The following HPS1 variants were observed in gnomAD, a reference collection of about 807,000 sequenced individuals.
HPS1 encodes the protein BLOC-3 complex member HPS1.
A neutral mutation model predicts 90.6 loss-of-function variants in HPS1; 59 were observed. The observed-to-expected ratio is 0.65, with a 90% CI of 0.53 to 0.81. The LOEUF is 0.81. Among genes scored for constraint, HPS1 ranks in the 30% least tolerant of loss-of-function variants. The probability of loss-of-function intolerance (pLI) is 0.00; values close to 1 mark genes in which losing one functional copy is unlikely to be tolerated. For missense variants in HPS1, 849 were observed against 896.7 expected (o/e 0.95, Z 0.68); for synonymous variants, 388 against 384.4 (o/e 1.01, Z -0.11).
intron 3 of HPS1, among the ~76,000 whole-genome samples, chr10:98,438,214 CTACTATAAAGA>C (rs746348739): frequency 2.0e-5 from 3 of 152,052 alleles, no homozygotes; most frequent in Non-Finnish European, 4.4e-5. Flanking sequence ...GAGTGAGGTG[CTACTATAAAGA>C]TACCCAAAAA....
At chr10:98,420,929 A>T (rs910765038) in intron 17 of HPS1, among the ~76,000 whole-genome samples, 1 of 152,256 alleles carries the variant, frequency 6.6e-6, no homozygotes, top group South Asian at 2.1e-4. Flanking sequence ...CCAGGGGGGA[A>T]GTCCAAATCA....
At chr10:98,443,681 G>A (rs1383387259) in intron 2 of HPS1, among the ~76,000 whole-genome samples, 1 of 150,788 alleles carries the variant, frequency 6.6e-6, no homozygotes, top group Non-Finnish European at 1.5e-5. Flanking sequence ...GTGTGGATCG[G>A]AGGGCACTGG....
At chr10:98,423,237 TAAG>T (rs1291847082) in intron 16 of HPS1, among the ~76,000 whole-genome samples, 1 of 151,368 alleles carries the variant, frequency 6.6e-6, no homozygotes, top group African/African-American at 2.4e-5. Context: ...TGTCATGATC[TAAG>T]AAGGACAACG....
chr10:98,428,074 G>A (rs1286302755), intron 10 of HPS1, among the ~76,000 whole-genome samples: 2 of 152,146 alleles, frequency 1.3e-5, no homozygotes, highest in African/African-American at 2.4e-5. Context: ...GAGGAACTTC[G>A]GAGATTACCC....
intron 10 of HPS1, 155 bp downstream of exon 10, chr10:98,429,418 G>T: frequency 6.5e-7 from 1 of 1,541,784 alleles, no homozygotes; most frequent in Non-Finnish European, 8.7e-7. Context: ...GGGAAGATGG[G>T]GAGCCGCAGA....
chr10:98,446,038 CCTT>C (rs1249534993), intron 1 of HPS1, among the ~76,000 whole-genome samples: 1 of 152,162 alleles, frequency 6.6e-6, no homozygotes, highest in East Asian at 1.9e-4. Flanking sequence ...TCCCAGCTTC[CCTT>C]CTTCAAATAA....
At chr10:98,423,921 G>A in intron 14 of HPS1, 34 bp from the exon 15 acceptor site, 1 of 1,610,662 alleles carries the variant, frequency 6.2e-7, no homozygotes, top group Non-Finnish European at 8.5e-7. Context: ...TACAGCAGAA[G>A]GGACCTAGGG....
At position 98,424,471 on chromosome 10, in the gene HPS1, G is replaced by C. The variant is rs1047711718; in HGVS notation, c.1336-97C>G. On this transcript the variant is annotated intron_variant, in intron 13 of 19. Coordinates refer to ENST00000361490, the MANE Select transcript of HPS1 (RefSeq NM_000195.5). ...CAGATCAGGCTCTGAGAGGGCACAG[G>C]GCCCCCAGACAAATCTGCCCTTCTG... 155 of 1,072,208 alleles carry C rather than the reference G, an allele frequency of 1.4e-4. 1 individual carries two copies. In the African/African-American group the frequency reaches 2.1e-3, roughly 15 times the overall value. 66.4% of individuals were successfully genotyped at this position (1,072,208 alleles called of 1,614,324 possible). A position where few individuals can be genotyped will look rare whatever the true frequency, so the allele number is the denominator to read the frequency against.
At position 98,418,170 on chromosome 10, in the gene HPS1, G is replaced by A. The variant is rs778282126; in HGVS notation, c.1940+5C>T. The A allele has an allele frequency of 3.0e-5, 47 of 1,591,394 alleles. No homozygotes were observed. Among genetic ancestry groups the A allele is most frequent in the South Asian group, 2.7e-4 (24 of 89,648 alleles). Reference sequence around the variant, plus strand: ...TGTCCCCAGTGGCTCCCAACGCAGCGTCACCTGTAGTAGTCTCCTCCCAGC... The same window carrying A: ...TGTCCCCAGTGGCTCCCAACGCAGCATCACCTGTAGTAGTCTCCTCCCAGC... On this transcript the variant is annotated splice_donor_5th_base_variant and intron_variant, in intron 19 of 19. Coordinates refer to ENST00000361490, the MANE Select transcript of HPS1 (RefSeq NM_000195.5).
chr10:98,427,542 G>C (rs979575554), intron 10 of HPS1, among the ~76,000 whole-genome samples: 5 of 152,198 alleles, frequency 3.3e-5, no homozygotes, highest in Admixed American at 3.3e-4. Context: ...GGACATGTTT[G>C]GTAATGGTGG....
intron 5 of HPS1, 81 bp from the exon 6 acceptor site, chr10:98,434,172 A>C: frequency 1.3e-5 from 18 of 1,417,114 alleles, no homozygotes; most frequent in Non-Finnish European, 1.6e-5. Context: ...CCACAGTCTC[A>C]GCTCAGCATC....
chr10:98,430,865 A>G (rs1028639258), intron 7 of HPS1, among the ~76,000 whole-genome samples, 195 bp from the exon 8 acceptor site: 2 of 152,178 alleles, frequency 1.3e-5, no homozygotes, highest in Non-Finnish European at 2.9e-5. Flanking sequence ...AAGAAAAGAA[A>G]ATGATTTAGC....
At position 98,422,389 on chromosome 10, in the gene HPS1, C is replaced by T; in HGVS notation, c.1723G>A (p.Ala575Thr). ...TSSELGKGPL[A>T]AFVKTKVWSL... ...GTTACCTTAGTTTTGACAAAGGCAG[C>T]CAGCGGCCCCTTGCCCAACTCCGAC... The change falls in exon 17 of 20, where the codon GCT (alanine) becomes ACT (threonine). Residue 575 changes from alanine (A) to threonine (T), a missense_variant. Physicochemically the swap from Ala to Thr is moderately conservative, Grantham distance 58 (BLOSUM62 0). Transcript: ENST00000361490. 1 of 1,614,072 alleles carries T rather than the reference C, an allele frequency of 6.2e-7. No homozygotes were observed. The highest frequency in any genetic ancestry group is 8.5e-7 in the Non-Finnish European group (1 of 1,180,008).
chr10:98,424,972 C>G (rs1373924554), intron 13 of HPS1, among the ~76,000 whole-genome samples: 1 of 152,246 alleles, frequency 6.6e-6, no homozygotes, highest in African/African-American at 2.4e-5. Context: ...TCAAGCCCCA[C>G]CAGCCCCACT....
Position 98,423,784 on chromosome 10 carries a change from G to A in HPS1, c.1501C>T (p.His501Tyr), listed in dbSNP as rs1339716945. ...PSRGGPHLPQ[H>Y]LQDQVQRLMR... ...AGCCTCTGCACTTGGTCCTGCAGGT[G>A]CTGGGGCAGGTGTGGGCCTCCCCTG... The change falls in exon 15 of 20, where the codon CAC becomes TAC. Residue 501 changes from histidine (H) to tyrosine (Y), a missense_variant. His to Tyr is a moderately conservative substitution (Grantham distance 83, BLOSUM62 2). Transcript: ENST00000361490. 1 of 1,613,966 alleles carries A rather than the reference G, an allele frequency of 6.2e-7. No individual in the cohort carries two copies. The highest frequency in any genetic ancestry group is 8.5e-7 in the Non-Finnish European group (1 of 1,180,038).
chr10:98,446,795 T>C lies in HPS1; in HGVS notation c.-106+12A>G, dbSNP rs932465205. On this transcript the variant is annotated intron_variant, in intron 1 of 19. Transcript: ENST00000361490. ...AGGAGTGGGCCCGCTCCGGGACCCC[T>C]AGGGACCCTACCTCACTTCCGGGAG... 3.9e-5 allele frequency: 6 copies of C among 152,080 alleles called. No homozygotes were observed. The highest frequency in any genetic ancestry group is 3.9e-4 in the Admixed American group (6 of 15,278). The allele number at this position is 152,080 out of a possible 1,614,324, so 9.4% of individuals were successfully genotyped here.
At position 98,435,202 on chromosome 10, in the gene HPS1, T is replaced by TG; in HGVS notation, c.398+69dup. On this transcript the variant is annotated intron_variant, in intron 5 of 19. Transcript: ENST00000361490. This position sits in a 1 kb window ranked among gnomAD's most constrained non-coding sequence, Gnocchi z 4.3. ...TGAAAAATGGCAGCTTCACAGGGGC[T>TG]GGGCACACGCTGCCTGGCCCAGCGA... The TG allele has an allele frequency of 6.3e-7, 1 of 1,598,888 alleles. No homozygotes were observed. Among genetic ancestry groups the TG allele is most frequent in the Non-Finnish European group, 8.6e-7 (1 of 1,167,818 alleles).
chr10:98,418,847 G>A (rs184592728), intron 18 of HPS1, among the ~76,000 whole-genome samples: 44 of 152,360 alleles, frequency 2.9e-4, no homozygotes, highest in African/African-American at 8.2e-4. Flanking sequence ...ATCACCCCAC[G>A]GGGCCACCCA....
downstream of HPS1, chr10:98,414,991 C>A (rs756687232): frequency 1.7e-5 from 28 of 1,611,232 alleles, no homozygotes; most frequent in Non-Finnish European, 2.1e-5. Context: ...TCTGGCCCGG[C>A]CTGCTTTACC....
Sources: allele counts gnomAD v4.1 joint callset (sites outside exome capture counted in the v4.1 genomes callset), GRCh38; gene constraint gnomAD v4.1.1; non-coding constraint Gnocchi (gnomAD v3.1); transcripts MANE v1.5; gene names NCBI Gene and HGNC (gene_info 2026-07-23, HGNC 2026-07-21).